Variants in HMCN1 observed in about 807,000 individuals in gnomAD.
The protein encoded by HMCN1 is hemicentin-1.
HMCN1 carries 321 observed loss-of-function variants against 625.9 expected under a neutral mutation model. The ratio of observed to expected loss-of-function variants is 0.51; its 90% confidence interval spans 0.47 to 0.56. The LOEUF is 0.56. Ranked by LOEUF, HMCN1 falls within the 20% of genes least tolerant of loss-of-function variation. HMCN1 has a pLI of 0.00. For synonymous variants in HMCN1, 2,425 were observed against 2,417.6 expected (o/e 1.00, Z -0.09); for missense variants, 6,588 against 6,887.3 (o/e 0.96, Z 1.54).
intron 1 of HMCN1, among the ~76,000 whole-genome samples, chr1:185,735,456 C>CTGAG (rs921167175): frequency 1.1e-3 from 167 of 152,306 alleles, no homozygotes; most frequent in African/African-American, 3.8e-3. Flanking sequence ...AAAGCACACT[C>CTGAG]TGAGGGTAAC....
At chr1:186,039,157 T>A (rs1330592954) in intron 38 of HMCN1, 152 bp downstream of exon 38, 1 of 696,728 alleles carries the variant, frequency 1.4e-6, no homozygotes, top group Non-Finnish European at 2.6e-6. Context: ...TAAATGTGCT[T>A]ATTCCTGATT....
chr1:185,806,326 G>A (rs1345305569), intron 1 of HMCN1, among the ~76,000 whole-genome samples: 2 of 152,014 alleles, frequency 1.3e-5, no homozygotes, highest in African/African-American at 4.8e-5. Flanking sequence ...CTTCCAATAT[G>A]TAGGGAGTGC....
At chr1:185,922,605 G>A in intron 7 of HMCN1, 106 bp downstream of exon 7, 1 of 1,063,618 alleles carries the variant, frequency 9.4e-7, no homozygotes, top group Non-Finnish European at 1.4e-6. Context: ...ATAAAATTGA[G>A]AAGCATAGCT....
At chr1:185,977,087 G>A (rs187185711) in intron 15 of HMCN1, among the ~76,000 whole-genome samples, 91 of 152,142 alleles carry the variant, frequency 6.0e-4, no homozygotes, top group African/African-American at 1.8e-3. Context: ...CCTGAATTAC[G>A]TGGATATCTG....
At chr1:186,016,319 C>T in intron 32 of HMCN1, 80 bp downstream of exon 32, 1 of 1,350,502 alleles carries the variant, frequency 7.4e-7, no homozygotes, top group Non-Finnish European at 1.0e-6. Flanking sequence ...TTTGTTCATG[C>T]AATAATAAAA....
rs550878957 is a variant in HMCN1 at position 186,174,544 on chromosome 1, A to G, written c.15845A>G (p.Gln5282Arg). 8.1e-6 allele frequency: 13 copies of G among 1,613,788 alleles called. No homozygotes were observed. In the South Asian group the frequency reaches 1.2e-4, roughly 15 times the overall value. ...DIDECKDGTH[Q>R]CRYNQICENT... is the part of the protein sequence containing the mutation. ...GATGAATGTAAAGATGGGACCCATCAGTGCAGATATAACCAGATATGTGAG... is the reference window on the plus strand; with the variant it reads ...GATGAATGTAAAGATGGGACCCATCGGTGCAGATATAACCAGATATGTGAG... The change falls in exon 103 of 107, where the codon CAG (glutamine) becomes CGG (arginine). Residue 5282 changes from glutamine to arginine, a missense_variant. Gln to Arg is a conservative substitution (Grantham distance 43). This residue lies in a region of HMCN1 where 1,954 missense variants were observed against 2,013.1 expected (regional missense o/e 0.97). Coordinates refer to ENST00000271588, the MANE Select transcript of HMCN1 (RefSeq NM_031935.3).
intron 36 of HMCN1, among the ~76,000 whole-genome samples, chr1:186,037,139 G>A (rs972199552): frequency 1.3e-5 from 2 of 151,640 alleles, no homozygotes; most frequent in Non-Finnish European, 2.9e-5. Flanking sequence ...GTTAAATGTA[G>A]CAAATCCTTA....
At chr1:185,828,919 A>G (rs150951540) in intron 1 of HMCN1, among the ~76,000 whole-genome samples, 205 of 152,274 alleles carry the variant, frequency 1.3e-3, no homozygotes, top group African/African-American at 4.7e-3. Flanking sequence ...GGAAGTAAGA[A>G]GAAAACAACA....
chr1:185,817,383 CAG>C lies in HMCN1; in HGVS notation c.269-28642_269-28641del, dbSNP rs200452600. ...GTTGATGGGACAGTTGGAGCAAAGACAGGGGTGGAAACTTTGGGGCCTGAATG... is the reference window on the plus strand; with the variant it reads ...GTTGATGGGACAGTTGGAGCAAAGACGGGTGGAAACTTTGGGGCCTGAATG... On this transcript the variant is annotated intron_variant, in intron 1 of 106. Transcript: ENST00000271588. Among the ~76,000 whole-genome samples, 1,073 of 152,092 alleles carry C rather than the reference CAG, an allele frequency of 7.1e-3. 12 individuals carry two copies. The highest frequency in any genetic ancestry group is 0.023 in the African/African-American group (961 of 41,494).
intron 66 of HMCN1, among the ~76,000 whole-genome samples, chr1:186,093,955 T>C (rs1659987816): frequency 6.6e-6 from 1 of 152,130 alleles, no homozygotes; most frequent in African/African-American, 2.4e-5. Context: ...GCTAAAACTT[T>C]ATGTGGCAAG....
chr1:185,774,275 G>C (rs1219220864), intron 1 of HMCN1, among the ~76,000 whole-genome samples: 1 of 152,100 alleles, frequency 6.6e-6, no homozygotes, highest in Non-Finnish European at 1.5e-5. Flanking sequence ...TGATTGATGG[G>C]ATGGCTTTGG....
intron 1 of HMCN1, among the ~76,000 whole-genome samples, chr1:185,833,212 C>G (rs991066220): frequency 6.6e-6 from 1 of 152,244 alleles, no homozygotes; most frequent in Non-Finnish European, 1.5e-5. Context: ...TGATAATGTT[C>G]GATTCTATTC....
At chr1:185,844,721 G>A (rs1436610492) in intron 1 of HMCN1, among the ~76,000 whole-genome samples, 3 of 152,086 alleles carry the variant, frequency 2.0e-5, no homozygotes. Flanking sequence ...TAAGCACATG[G>A]TACCCAGATG....
At chr1:185,852,281 T>TA (rs1662209009) in intron 2 of HMCN1, among the ~76,000 whole-genome samples, 3 of 151,858 alleles carry the variant, frequency 2.0e-5, no homozygotes, top group Admixed American at 1.3e-4. Flanking sequence ...TTCTAGTTTT[T>TA]AAAAAAATGC....
At chr1:186,008,941 A>G (rs1039494478) in intron 30 of HMCN1, among the ~76,000 whole-genome samples, 1 of 152,200 alleles carries the variant, frequency 6.6e-6, no homozygotes, top group Admixed American at 6.6e-5. Flanking sequence ...CAAAGAAATT[A>G]TATTTAATAC....
At chr1:185,842,273 G>A (rs1279821151) in intron 1 of HMCN1, among the ~76,000 whole-genome samples, 1 of 152,076 alleles carries the variant, frequency 6.6e-6, no homozygotes, top group Admixed American at 6.6e-5. Flanking sequence ...AGATTTGAGA[G>A]GCAATTTTCT....
intron 105 of HMCN1, among the ~76,000 whole-genome samples, chr1:186,186,487 A>C (rs1653315589): frequency 6.6e-6 from 1 of 152,174 alleles, no homozygotes; most frequent in Admixed American, 6.5e-5. Flanking sequence ...AGATTGCACC[A>C]CTACACTCCA....
intron 55 of HMCN1, among the ~76,000 whole-genome samples, chr1:186,080,428 A>C (rs1659095311): frequency 1.3e-5 from 2 of 152,200 alleles, no homozygotes; most frequent in South Asian, 4.1e-4. Flanking sequence ...ATGTGTTCCT[A>C]GTTCATTTAA....
chr1:185,903,470 C>A (rs1490578623), intron 4 of HMCN1, among the ~76,000 whole-genome samples: 4 of 151,098 alleles, frequency 2.6e-5, no homozygotes, highest in African/African-American at 7.3e-5. Flanking sequence ...TTTTTTAAAT[C>A]CTGTAAATTA....
Sources: allele counts gnomAD v4.1 joint callset (sites outside exome capture counted in the v4.1 genomes callset), GRCh38; gene constraint gnomAD v4.1.1; regional missense constraint gnomAD v4.1.1; transcripts MANE v1.5; gene names NCBI Gene and HGNC (gene_info 2026-07-23, HGNC 2026-07-21).